SLC1A3: variants seen among roughly 807,000 people sequenced by gnomAD.
SLC1A3 encodes the protein excitatory amino acid transporter 1.
SLC1A3 carries 21 observed loss-of-function variants against 48.1 expected under a neutral mutation model. The observed-to-expected ratio is 0.44, with a 90% CI of 0.31 to 0.63. SLC1A3 has a LOEUF of 0.63. SLC1A3 is among the 20% of genes least tolerant of loss of function. SLC1A3 has a pLI of 0.08. For synonymous variants in SLC1A3, 239 were observed against 251.4 expected, an observed-to-expected ratio of 0.95 and a Z score of 0.47; for missense variants, 546 against 689.0, an observed-to-expected ratio of 0.79 and a Z score of 2.32.
At chr5:36,660,672 A>C (rs1199253710) in intron 3 of SLC1A3, among the ~76,000 whole-genome samples, 1 of 152,234 alleles carries the variant, frequency 6.6e-6, no homozygotes, top group African/African-American at 2.4e-5. Flanking sequence ...ATGCAGTAAC[A>C]CTGCTTTATT....
intron 9 of SLC1A3, among the ~76,000 whole-genome samples, chr5:36,685,019 C>T (rs1426052447): frequency 2.0e-5 from 3 of 152,202 alleles, no homozygotes; most frequent in Non-Finnish European, 4.4e-5. Context: ...AGTCTTTGAT[C>T]TTTACACTTC....
At chr5:36,660,039 T>C (rs1334560174) in intron 3 of SLC1A3, among the ~76,000 whole-genome samples, 6 of 152,244 alleles carry the variant, frequency 3.9e-5, no homozygotes, top group Non-Finnish European at 8.8e-5. Context: ...CATACTTCTC[T>C]TTAACAACAA....
At chr5:36,683,716 A>G in intron 8 of SLC1A3, 148 bp from the exon 9 acceptor site, 4 of 853,136 alleles carry the variant, frequency 4.7e-6, no homozygotes. Flanking sequence ...TCAAAAAAAA[A>G]AAAAATCTCA....
intron 1 of SLC1A3, among the ~76,000 whole-genome samples, chr5:36,607,510 T>C (rs927285572): frequency 1.3e-5 from 2 of 152,176 alleles, no homozygotes; most frequent in East Asian, 3.9e-4. Context: ...TGAAAATTGG[T>C]TTCATCTCAT....
At chr5:36,658,379 G>A (rs1356175881) in intron 3 of SLC1A3, among the ~76,000 whole-genome samples, 1 of 152,136 alleles carries the variant, frequency 6.6e-6, no homozygotes, top group African/African-American at 2.4e-5. Flanking sequence ...CAGAGCGTGA[G>A]GACATTGACT....
intron 2 of SLC1A3, among the ~76,000 whole-genome samples, chr5:36,623,935 A>C (rs1739798066): frequency 6.6e-6 from 1 of 152,152 alleles, no homozygotes; most frequent in African/African-American, 2.4e-5. Flanking sequence ...AAGACAGAGC[A>C]AAGAGGGCTC....
intron 6 of SLC1A3, among the ~76,000 whole-genome samples, chr5:36,678,299 G>T (rs1193794168): frequency 1.3e-5 from 2 of 152,140 alleles, no homozygotes; most frequent in African/African-American, 4.8e-5. Context: ...TCAGAATGTG[G>T]TCTCCACAGG....
chr5:36,623,820 G>A (rs1014578754), intron 2 of SLC1A3, among the ~76,000 whole-genome samples: 11 of 148,444 alleles, frequency 7.4e-5, no homozygotes, highest in African/African-American at 2.2e-4. Flanking sequence ...CCGAGATTGC[G>A]CCACTGCACT....
intron 3 of SLC1A3, among the ~76,000 whole-genome samples, chr5:36,659,351 G>A (rs1470197259): frequency 6.6e-6 from 1 of 152,194 alleles, no homozygotes; most frequent in Non-Finnish European, 1.5e-5. Flanking sequence ...CTGGCAGTAG[G>A]CTCTAATTTG....
chr5:36,610,372 C>G (rs925606729), intron 2 of SLC1A3, among the ~76,000 whole-genome samples: 1 of 152,226 alleles, frequency 6.6e-6, no homozygotes, highest in African/African-American at 2.4e-5. Context: ...CATTAAGCCA[C>G]TTCCTTCTCA....
intron 2 of SLC1A3, among the ~76,000 whole-genome samples, chr5:36,627,547 T>TG (rs1171746259): frequency 6.6e-6 from 1 of 151,734 alleles, no homozygotes; most frequent in African/African-American, 2.4e-5. Context: ...CATCATGATA[T>TG]GCTTCATAAA....
chr5:36,605,875 A>C (rs996853285), upstream of SLC1A3, among the ~76,000 whole-genome samples: 2 of 152,210 alleles, frequency 1.3e-5, no homozygotes, highest in Admixed American at 6.5e-5. Context: ...AAATGGAGAC[A>C]TCTGAACAGC....
Position 36,686,279 on chromosome 5 carries a change from A to T in SLC1A3, c.*10A>T. The T allele has an allele frequency of 6.9e-6, 11 of 1,593,876 alleles. No individual in the cohort carries two copies. Among genetic ancestry groups the T allele is most frequent in the Non-Finnish European group, 9.5e-6 (11 of 1,161,496 alleles). On this transcript the variant is annotated 3_prime_UTR_variant, in exon 10 of 10. Transcript: ENST00000265113. ...TGAAACCAAGATGTAGACTAACATA[A>T]AGAAACACTTTCTTGAGCACCAGGT...
At chr5:36,639,956 C>G (rs1167825182) in intron 3 of SLC1A3, among the ~76,000 whole-genome samples, 2 of 152,128 alleles carry the variant, frequency 1.3e-5, no homozygotes, top group African/African-American at 2.4e-5. Context: ...TAAAAAGACT[C>G]TGTGCACCAT....
At chr5:36,602,969 G>A (rs186889037), upstream of SLC1A3, among the ~76,000 whole-genome samples, 132 of 152,336 alleles carry the variant, frequency 8.7e-4, no homozygotes, top group African/African-American at 3.0e-3. Context: ...TTCTCAAATG[G>A]TCAGTATTTT....
intron 1 of SLC1A3, among the ~76,000 whole-genome samples, chr5:36,599,657 G>A (rs929532972): frequency 6.7e-6 from 1 of 150,070 alleles, no homozygotes; most frequent in Non-Finnish European, 1.5e-5. Flanking sequence ...CTACAGGTGT[G>A]CGCCACCACG....
intron 2 of SLC1A3, chr5:36,613,153 T>C (rs545779108): frequency 1.5e-3 from 361 of 234,156 alleles, no homozygotes; most frequent in Non-Finnish European, 2.7e-3. Context: ...CCGAGGTGCA[T>C]ATACAATGGA....
chr5:36,678,198 A>T (rs1417564039), intron 6 of SLC1A3, among the ~76,000 whole-genome samples: 2 of 152,234 alleles, frequency 1.3e-5, no homozygotes, highest in Non-Finnish European at 2.9e-5. Flanking sequence ...ATGATTAAAA[A>T]TGCCCTTGTC....
intron 2 of SLC1A3, among the ~76,000 whole-genome samples, chr5:36,610,774 A>G (rs1739160734): frequency 6.6e-6 from 1 of 152,190 alleles, no homozygotes; most frequent in Non-Finnish European, 1.5e-5. Context: ...AAGATTTGTG[A>G]GAATTGCAAT....
Sources: gnomAD v4.1 joint callset for allele counts (sites outside exome capture counted in the v4.1 genomes callset) on GRCh38, gnomAD v4.1.1 for gene constraint, MANE v1.5 for transcripts, NCBI Gene and HGNC (gene_info 2026-07-23, HGNC 2026-07-21) for gene names.